The following SLC66A3 variants were observed in gnomAD, a reference collection of about 807,000 sequenced individuals.
SLC66A3 encodes the protein PQ loop repeat containing 3.
SLC66A3 carries 23 observed loss-of-function variants against 25.5 expected under a neutral mutation model. That is an observed-to-expected ratio of 0.90 (90% confidence interval 0.65 to 1.28). The LOEUF (loss-of-function observed/expected upper bound fraction) is 1.28, where lower values mean the gene tolerates loss of function less well. Ranked by LOEUF, SLC66A3 falls within the 50% of genes most tolerant of loss-of-function variation. SLC66A3 has a pLI of 0.00. For missense variants in SLC66A3, 246 were observed against 262.1 expected, an observed-to-expected ratio of 0.94 and a Z score of 0.42; for synonymous variants, 108 against 112.6, an observed-to-expected ratio of 0.96 and a Z score of 0.26.
At position 11,174,975 on chromosome 2, in the gene SLC66A3, A is replaced by C. The variant is rs1232972296; in HGVS notation, c.483A>C (p.Ile161=). The change falls in exon 6 of 7, where the codon ATA becomes ATC. Residue 161 remains isoleucine, a synonymous_variant. Coordinates refer to ENST00000295083, the MANE Select transcript of SLC66A3 (RefSeq NM_152391.5). ...SLSSYTCATR[I]ITTLMTTNDF... is the part of the protein sequence containing the mutation. Reference sequence around the variant, plus strand: ...GCAAGTTTTCTTTTACAGCAAGAATAATCACAACCTTAATGACCACCAATG... The same window carrying C: ...GCAAGTTTTCTTTTACAGCAAGAATCATCACAACCTTAATGACCACCAATG... 1 of 1,608,142 alleles carries C rather than the reference A, an allele frequency of 6.2e-7. No homozygotes were observed. Among genetic ancestry groups the C allele is most frequent in the East Asian group, 2.2e-5 (1 of 44,694 alleles).
chr2:11,155,576 CT>C lies in SLC66A3; in HGVS notation c.31del (p.Trp11GlyfsTer10). The C allele has an allele frequency of 6.6e-7, 1 of 1,514,946 alleles. No individual in the cohort carries two copies. Among genetic ancestry groups the C allele is most frequent in the Non-Finnish European group, 8.8e-7 (1 of 1,141,086 alleles). The allele number at this position is 1,514,946 out of a possible 1,614,324, so 93.8% of individuals were successfully genotyped here. A position where few individuals can be genotyped will look rare whatever the true frequency, so the allele number is the denominator to read the frequency against. ...AGGCGGCGCTGCTGGGGCTGTGTAA[CT>C]GGAGCACGCTGGGCGTGTGCGCCGC... MEAALLGLCN[W>X]STLGVCAALK... On this transcript the variant is annotated frameshift_variant, in exon 1 of 7. Coordinates refer to ENST00000295083, the MANE Select transcript of SLC66A3 (RefSeq NM_152391.5). LOFTEE classifies it high-confidence loss of function.
At chr2:11,158,735 G>C (rs567678003) in intron 1 of SLC66A3, among the ~76,000 whole-genome samples, 1 of 152,112 alleles carries the variant, frequency 6.6e-6, no homozygotes, top group African/African-American at 2.4e-5. Context: ...CAGGAGAACC[G>C]CTGGAACCCG....
chr2:11,161,947 G>T (rs549861843), intron 3 of SLC66A3, among the ~76,000 whole-genome samples: 4 of 152,220 alleles, frequency 2.6e-5, no homozygotes, highest in Non-Finnish European at 5.9e-5. Context: ...CCTGTGGCCC[G>T]CAGGCCATGA....
chr2:11,159,242 C>G (rs1046632362), intron 1 of SLC66A3, among the ~76,000 whole-genome samples: 1 of 152,166 alleles, frequency 6.6e-6, no homozygotes, highest in Non-Finnish European at 1.5e-5. Flanking sequence ...GGTGCAGCCT[C>G]CCCCTCTGCC....
At chr2:11,167,333 C>T (rs1344593012) in intron 4 of SLC66A3, among the ~76,000 whole-genome samples, 2 of 152,148 alleles carry the variant, frequency 1.3e-5, no homozygotes, top group African/African-American at 2.4e-5. Flanking sequence ...ATCCCAGCTA[C>T]TCGGGAGGCT....
At chr2:11,167,559 T>C (rs1357550888) in intron 4 of SLC66A3, among the ~76,000 whole-genome samples, 1 of 152,252 alleles carries the variant, frequency 6.6e-6, no homozygotes, top group East Asian at 1.9e-4. Context: ...ATTGATGATA[T>C]AACATTTCAT....
At chr2:11,168,120 A>AT (rs1365790493) in intron 4 of SLC66A3, among the ~76,000 whole-genome samples, 28 of 152,114 alleles carry the variant, frequency 1.8e-4, no homozygotes, top group African/African-American at 6.5e-4. Context: ...CTCTACTAAA[A>AT]ATATATAAAA....
intron 1 of SLC66A3, among the ~76,000 whole-genome samples, chr2:11,158,818 C>A (rs913277111): frequency 6.6e-6 from 1 of 151,482 alleles, no homozygotes; most frequent in African/African-American, 2.4e-5. Context: ...GACTCCATCT[C>A]AAAAAAAAAG....
chr2:11,167,824 G>A (rs1177363751), intron 4 of SLC66A3, among the ~76,000 whole-genome samples: 1 of 152,130 alleles, frequency 6.6e-6, no homozygotes, highest in Non-Finnish European at 1.5e-5. Context: ...GGTGCTGCTT[G>A]AATCAGTGGA....
intron 3 of SLC66A3, chr2:11,160,939 A>G: frequency 1.7e-6 from 1 of 601,724 alleles, no homozygotes; most frequent in Non-Finnish European, 2.9e-6. Context: ...GCAGATCGGT[A>G]GAGTCCACCC....
intron 4 of SLC66A3, among the ~76,000 whole-genome samples, chr2:11,170,425 G>A (rs1199138225): frequency 6.6e-6 from 1 of 152,130 alleles, no homozygotes; most frequent in East Asian, 1.9e-4. Flanking sequence ...GCTTATTTGT[G>A]AGGATCTCTT....
At chr2:11,159,611 G>C (rs899884981) in intron 1 of SLC66A3, among the ~76,000 whole-genome samples, 1 of 152,180 alleles carries the variant, frequency 6.6e-6, no homozygotes, top group African/African-American at 2.4e-5. Flanking sequence ...TAGGAGATTG[G>C]AGACCCTGGG....
In SLC66A3 at chr2:11,178,418, G is replaced by A. The variant is rs1015009437; in HGVS notation, c.*590G>A. 1.3e-5 allele frequency: 2 copies of A among 152,686 alleles called. No homozygotes were observed. Among genetic ancestry groups the A allele is most frequent in the African/African-American group, 4.8e-5 (2 of 41,442 alleles). The allele number at this position is 152,686 out of a possible 1,614,324, so 9.5% of individuals were successfully genotyped here. ...GCTGGCTTGAGTTTGTACCAAAACA[G>A]TCCTTCAACTTTGCACTGTGCCTTA... On this transcript the variant is annotated 3_prime_UTR_variant, in exon 7 of 7. Transcript: ENST00000295083.
chr2:11,163,307 G>A (rs1662191243), intron 3 of SLC66A3, among the ~76,000 whole-genome samples: 1 of 152,012 alleles, frequency 6.6e-6, no homozygotes, highest in South Asian at 2.1e-4. Context: ...GAATGAGGTG[G>A]GATAGAACAG....
intron 4 of SLC66A3, among the ~76,000 whole-genome samples, chr2:11,170,803 C>A (rs568703916): frequency 1.5e-4 from 22 of 151,698 alleles, no homozygotes; most frequent in South Asian, 8.4e-4. Flanking sequence ...GTTGGCCAGG[C>A]TGGTCTCAAA....
At position 11,160,568 on chromosome 2, in the gene SLC66A3, C is replaced by A. The variant is rs1043499020; in HGVS notation, c.226+20C>A. 6.2e-7 allele frequency: 1 copy of A among 1,614,168 alleles called. No individual in the cohort carries two copies. The highest frequency in any genetic ancestry group is 8.5e-7 in the Non-Finnish European group (1 of 1,180,032). On this transcript the variant is annotated intron_variant, in intron 2 of 6. Transcript: ENST00000295083. The stretch of plus-strand genomic sequence containing the variant: ...CGCAAGGTAACAGCCCCTTCCCTGT[C>A]CAGCGGACTGCCACGGGTCTCCCCT...
Position 11,164,115 on chromosome 2 carries a change from G to A in SLC66A3, c.297-89G>A, listed in dbSNP as rs184116266. 223 of 768,358 alleles carry A rather than the reference G, an allele frequency of 2.9e-4. 1 individual carries two copies. In the African/African-American group the frequency reaches 3.6e-3, roughly 12 times the overall value. The allele number at this position is 768,358 out of a possible 1,614,324, so 47.6% of individuals were successfully genotyped here. On this transcript the variant is annotated intron_variant, in intron 3 of 6. Coordinates refer to ENST00000295083, the MANE Select transcript of SLC66A3 (RefSeq NM_152391.5). ...CCCACCCACCTGGCTTCTGCGTGCC[G>A]CTGTCTGTGGTCTTGGTTTGTATAT...
chr2:11,177,683 GT>G, intron 6 of SLC66A3, 53 bp from the exon 7 acceptor site: 2 of 1,131,322 alleles, frequency 1.8e-6, no homozygotes, highest in Non-Finnish European at 2.6e-6. Flanking sequence ...GCAGGAGGTG[GT>G]TTTGGTCTGT....
chr2:11,159,880 G>A (rs1359311149), intron 1 of SLC66A3, among the ~76,000 whole-genome samples: 1 of 152,212 alleles, frequency 6.6e-6, no homozygotes, highest in Non-Finnish European at 1.5e-5. Flanking sequence ...AGTCTTCTTA[G>A]CGAAATTGAG....
Sources: gnomAD v4.1 joint callset for allele counts (sites outside exome capture counted in the v4.1 genomes callset) on GRCh38, gnomAD v4.1.1 for gene constraint, MANE v1.5 for transcripts, NCBI Gene and HGNC (gene_info 2026-07-23, HGNC 2026-07-21) for gene names.